The following NRXN1 variants were observed in gnomAD, a reference collection of about 807,000 sequenced individuals.
NRXN1 encodes neurexin-1.
Under a neutral mutation model 150.9 loss-of-function variants are expected in NRXN1, and 39 were observed. That is an observed-to-expected ratio of 0.26 (90% CI 0.20 to 0.34). NRXN1 has a LOEUF of 0.34. Among genes scored for constraint, NRXN1 ranks in the 10% least tolerant of loss-of-function variants. The probability of loss-of-function intolerance (pLI) is 1.00; values close to 1 mark genes in which losing one functional copy is unlikely to be tolerated. For synonymous variants in NRXN1, 924 were observed against 757.0 expected (o/e 1.22, Z -3.62); for missense variants, 1,815 against 1,949.9 (o/e 0.93, Z 1.30).
intron 19 of NRXN1, among the ~76,000 whole-genome samples, chr2:50,056,209 G>A (rs576387342): frequency 3.3e-5 from 5 of 152,036 alleles, no homozygotes; most frequent in African/African-American, 1.2e-4. Flanking sequence ...TTTTGTTAGA[G>A]AAGATAAATG....
At chr2:50,168,137 T>C (rs987922220) in intron 18 of NRXN1, among the ~76,000 whole-genome samples, 2 of 152,164 alleles carry the variant, frequency 1.3e-5, no homozygotes, top group Non-Finnish European at 2.9e-5. Flanking sequence ...CAGGACCATG[T>C]ACAAACAGTC....
intron 17 of NRXN1, among the ~76,000 whole-genome samples, chr2:50,360,205 T>C (rs976168321): frequency 1.3e-5 from 2 of 152,156 alleles, no homozygotes; most frequent in African/African-American, 2.4e-5. Context: ...CTGCATCAAC[T>C]AATGGGCAAA....
intron 9 of NRXN1, among the ~76,000 whole-genome samples, chr2:50,541,730 C>T (rs1051540544): frequency 7.9e-6 from 1 of 126,350 alleles, no homozygotes; most frequent in African/African-American, 2.9e-5. Flanking sequence ...CACTCTGAAA[C>T]AAATGTTTAA....
chr2:50,293,379 A>C (rs1403675738), intron 17 of NRXN1, among the ~76,000 whole-genome samples: 1 of 152,166 alleles, frequency 6.6e-6, no homozygotes, highest in Admixed American at 6.5e-5. Context: ...ATAGGTTTCC[A>C]CATGCATGAT....
chr2:50,482,664 G>T (rs540434563), intron 15 of NRXN1, among the ~76,000 whole-genome samples: 1 of 152,154 alleles, frequency 6.6e-6, no homozygotes, highest in East Asian at 1.9e-4. Context: ...TCTTGAATAG[G>T]GGCTGGGTAA....
At chr2:50,817,738 T>C (rs1669134189) in intron 5 of NRXN1, among the ~76,000 whole-genome samples, 1 of 151,960 alleles carries the variant, frequency 6.6e-6, no homozygotes, top group African/African-American at 2.4e-5. Flanking sequence ...ACCACATTAG[T>C]AGAATAAAGA....
At chr2:50,115,619 C>T (rs535224685) in intron 18 of NRXN1, among the ~76,000 whole-genome samples, 64 of 151,890 alleles carry the variant, frequency 4.2e-4, no homozygotes, top group African/African-American at 1.4e-3. Context: ...TGAGGTTCAC[C>T]AATATCCTAT....
chr2:50,976,393 TCCTTA>T (rs1226485756), intron 2 of NRXN1, among the ~76,000 whole-genome samples: 1 of 151,958 alleles, frequency 6.6e-6, no homozygotes, highest in Non-Finnish European at 1.5e-5. Flanking sequence ...CTTAACAGTT[TCCTTA>T]CATCTTCTTT....
At chr2:50,991,692 C>T (rs772079318) in intron 2 of NRXN1, among the ~76,000 whole-genome samples, 2 of 152,104 alleles carry the variant, frequency 1.3e-5, no homozygotes, top group Admixed American at 1.3e-4. Context: ...AATAGTCTGA[C>T]ATCATGTACT....
intron 17 of NRXN1, among the ~76,000 whole-genome samples, chr2:50,433,384 T>C (rs1347037031): frequency 6.6e-6 from 1 of 152,214 alleles, no homozygotes; most frequent in African/African-American, 2.4e-5. Flanking sequence ...TTATATTGCA[T>C]GTATGTTCTG....
intron 17 of NRXN1, among the ~76,000 whole-genome samples, chr2:50,262,385 C>CA (rs2068381740): frequency 1.3e-5 from 2 of 151,832 alleles, no homozygotes; most frequent in Admixed American, 1.3e-4. Flanking sequence ...CAATATAATA[C>CA]AAAATCCATA....
At chr2:50,933,849 G>C (rs188312995) in intron 2 of NRXN1, among the ~76,000 whole-genome samples, 1 of 152,120 alleles carries the variant, frequency 6.6e-6, no homozygotes, top group African/African-American at 2.4e-5. Context: ...CCCTAATATA[G>C]CTTCTTAAAA....
intron 18 of NRXN1, among the ~76,000 whole-genome samples, chr2:50,123,778 A>G (rs1704190783): frequency 6.6e-6 from 1 of 152,172 alleles, no homozygotes; most frequent in African/African-American, 2.4e-5. Context: ...CCTTGAACTC[A>G]AGATGATTTC....
intron 8 of NRXN1, among the ~76,000 whole-genome samples, chr2:50,579,068 G>C (rs1302299393): frequency 6.6e-6 from 1 of 152,190 alleles, no homozygotes; most frequent in East Asian, 1.9e-4. Flanking sequence ...AATCATCCAA[G>C]ATATTAATAT....
chr2:50,494,107 T>C (rs1048279885), intron 15 of NRXN1, among the ~76,000 whole-genome samples: 1 of 152,208 alleles, frequency 6.6e-6, no homozygotes, highest in South Asian at 2.1e-4. Flanking sequence ...AAGCAGATAT[T>C]TACTTCTCAG....
chr2:50,014,742 G>A (rs1282259495), intron 21 of NRXN1, among the ~76,000 whole-genome samples: 1 of 152,024 alleles, frequency 6.6e-6, no homozygotes, highest in African/African-American at 2.4e-5. Flanking sequence ...GCCTCCCTGT[G>A]AACTCCAGCG....
At chr2:50,683,631 C>CAAA (rs745831100) in intron 5 of NRXN1, among the ~76,000 whole-genome samples, 5 of 8,530 alleles carry the variant, frequency 5.9e-4, no homozygotes, top group East Asian at 8.8e-3. Flanking sequence ...GACTCCGTCT[C>CAAA]AAAAAAAAAA....
intron 2 of NRXN1, among the ~76,000 whole-genome samples, chr2:50,952,921 A>C (rs188010726): frequency 6.6e-6 from 1 of 152,316 alleles, no homozygotes; most frequent in East Asian, 1.9e-4. Flanking sequence ...AGAAGAAGTG[A>C]ATCGTTTCTT....
At position 50,976,784 on chromosome 2, in the gene NRXN1, G is replaced by C. The variant is rs191506158; in HGVS notation, c.772+50718C>G. ...TGTACATTTCAGTAAGATCAAAATTGAGCATACCAAAAAAATCATCGATTA... is the reference window on the plus strand; with the variant it reads ...TGTACATTTCAGTAAGATCAAAATTCAGCATACCAAAAAAATCATCGATTA... On this transcript the variant is annotated intron_variant, in intron 2 of 22. Coordinates refer to ENST00000401669, the MANE Select transcript of NRXN1 (RefSeq NM_001330078.2). Among the ~76,000 whole-genome samples the C allele has an allele frequency of 2.6e-5, 4 of 151,892 alleles. No individual in the cohort carries two copies. The East Asian group carries it at 7.8e-4, about 29-fold the overall frequency.
Sources: gnomAD v4.1 joint callset for allele counts (sites outside exome capture counted in the v4.1 genomes callset) on GRCh38, gnomAD v4.1.1 for gene constraint, MANE v1.5 for transcripts, NCBI Gene and HGNC (gene_info 2026-07-23, HGNC 2026-07-21) for gene names.